Variants in MYZAP observed in about 807,000 individuals in gnomAD.
MYZAP encodes the protein GRINL1A complex locus upstream.
Under a neutral mutation model 69.4 loss-of-function variants are expected in MYZAP, and 66 were observed. That is an observed-to-expected ratio of 0.95 (90% confidence interval 0.78 to 1.17). MYZAP has a LOEUF of 1.17. MYZAP is among the 50% of genes most tolerant of loss of function. The probability of loss-of-function intolerance (pLI) is 0.00; values close to 1 mark genes in which losing one functional copy is unlikely to be tolerated. For missense variants in MYZAP, 611 were observed against 556.2 expected, an observed-to-expected ratio of 1.10 and a Z score of -0.99; for synonymous variants, 256 against 205.9, an observed-to-expected ratio of 1.24 and a Z score of -2.09.
intron 1 of MYZAP, among the ~76,000 whole-genome samples, chr15:57,592,998 C>T (rs1457674223): frequency 6.6e-6 from 1 of 152,176 alleles, no homozygotes; most frequent in Non-Finnish European, 1.5e-5. Flanking sequence ...CCCACTGGTT[C>T]TGTCTGCGTG....
At position 57,668,167 on chromosome 15, in the gene MYZAP, G is replaced by T. The variant is rs186398086; in HGVS notation, c.1203+6634G>T. On this transcript the variant is annotated intron_variant, in intron 11 of 12. Transcript: ENST00000267853. ...TGGTATTCCATTGTATGAATATATC[G>T]CAGTTTATTCATTCAGCTGACAAAA... Among the ~76,000 whole-genome samples the T allele has an allele frequency of 2.8e-3, 426 of 152,220 alleles. 1 individual carries two copies. The highest frequency in any genetic ancestry group is 6.8e-3 in the Middle Eastern group (2 of 294).
At chr15:57,668,894 A>ATATATATATATATT (rs1252525814) in intron 11 of MYZAP, among the ~76,000 whole-genome samples, 298 of 62,492 alleles carry the variant, frequency 4.8e-3, no homozygotes, top group Non-Finnish European at 0.01. Flanking sequence ...ATATATATAT[A>ATATATATATATATT]TTTTTTTTTT....
At chr15:57,616,257 G>A (rs112854975) in intron 2 of MYZAP, among the ~76,000 whole-genome samples, 2,540 of 152,340 alleles carry the variant, frequency 0.017, 68 homozygotes, top group African/African-American at 0.055. Context: ...GCTCATGCTT[G>A]TAATCCCAGC....
At chr15:57,654,854 C>T (rs1472016740) in intron 10 of MYZAP, among the ~76,000 whole-genome samples, 1 of 151,814 alleles carries the variant, frequency 6.6e-6, no homozygotes, top group Admixed American at 6.6e-5. Context: ...GACGTATAAG[C>T]TCTTTTCAAA....
intron 2 of MYZAP, among the ~76,000 whole-genome samples, chr15:57,604,617 C>T (rs2034628889): frequency 6.6e-6 from 1 of 152,216 alleles, no homozygotes; most frequent in Admixed American, 6.5e-5. Context: ...TGCAGGGACA[C>T]TGGTCTTAGT....
At chr15:57,637,798 T>C in intron 9 of MYZAP, 24 bp downstream of exon 9, 1 of 1,592,116 alleles carries the variant, frequency 6.3e-7, no homozygotes, top group Non-Finnish European at 8.6e-7. Context: ...CCTTTCGTCT[T>C]GTAATGGATT....
chr15:57,609,901 C>G (rs2034996643), intron 2 of MYZAP, among the ~76,000 whole-genome samples: 1 of 152,222 alleles, frequency 6.6e-6, no homozygotes, highest in East Asian at 1.9e-4. Flanking sequence ...TATCCATATT[C>G]TTATCCATAG....
At chr15:57,674,657 A>G (rs1324063635) in intron 11 of MYZAP, among the ~76,000 whole-genome samples, 1 of 152,246 alleles carries the variant, frequency 6.6e-6, no homozygotes. Flanking sequence ...TAAAAAGAAA[A>G]CTAATATAGA....
intron 3 of MYZAP, among the ~76,000 whole-genome samples, chr15:57,620,881 T>G (rs574212923): frequency 6.6e-6 from 1 of 152,144 alleles, no homozygotes; most frequent in Non-Finnish European, 1.5e-5. Flanking sequence ...CCAACTGTCA[T>G]TTGAGGGTGA....
At position 57,592,297 on chromosome 15, in the gene MYZAP, C is replaced by T. The variant is rs73422816; in HGVS notation, c.75+188C>T. Among the ~76,000 whole-genome samples, 485 of 152,238 alleles carry T rather than the reference C, an allele frequency of 3.2e-3. 1 individual carries two copies. Among genetic ancestry groups the T allele is most frequent in the African/African-American group, 0.011 (472 of 41,550 alleles). ...CCGCTTGAGGTTTCAGGGGGCCCAC[C>T]AGCTGGTAGGAGAGGGCTTAGGGGA... On this transcript the variant is annotated intron_variant, in intron 1 of 12. Coordinates refer to ENST00000267853, the MANE Select transcript of MYZAP (RefSeq NM_001018100.5).
Position 57,631,077 on chromosome 15 carries a change from C to T in MYZAP, c.678+1223C>T, listed in dbSNP as rs113381025. Among the ~76,000 whole-genome samples, 552 of 152,314 alleles carry T rather than the reference C, an allele frequency of 3.6e-3. 3 individuals are homozygous for T. The highest frequency in any genetic ancestry group is 6.8e-3 in the Middle Eastern group (2 of 294). The stretch of plus-strand genomic sequence containing the variant: ...CTCTGTATGTTCACTTCTAATAGGG[C>T]AGCTCTTCTTTTCCGTGTAAGAGTT... On this transcript the variant is annotated intron_variant, in intron 6 of 12. Coordinates refer to ENST00000267853, the MANE Select transcript of MYZAP (RefSeq NM_001018100.5).
rs1007731533 is a variant in MYZAP at position 57,675,134 on chromosome 15, C to T, written c.1304+66C>T. On this transcript the variant is annotated intron_variant, in intron 12 of 12. Transcript: ENST00000267853. ...CTCTTTGGCTGAAGAAAATACTTTA[C>T]TAGGCTGTTCTTAGCAGAATTGCAT... 26 of 1,367,126 alleles carry T rather than the reference C, an allele frequency of 1.9e-5. No individual in the cohort carries two copies. In the South Asian group the frequency reaches 3.2e-4, roughly 17 times the overall value. The allele number at this position is 1,367,126 out of a possible 1,614,324, so 84.7% of individuals were successfully genotyped here.
intron 1 of MYZAP, among the ~76,000 whole-genome samples, chr15:57,597,638 A>G (rs1037022600): frequency 6.6e-6 from 1 of 152,226 alleles, no homozygotes; most frequent in Non-Finnish European, 1.5e-5. Context: ...TGCCTAGTAC[A>G]GAACACAGCC....
chr15:57,635,902 T>C (rs1183296842), intron 8 of MYZAP, among the ~76,000 whole-genome samples: 1 of 152,216 alleles, frequency 6.6e-6, no homozygotes, highest in Non-Finnish European at 1.5e-5. Flanking sequence ...AACACCTTTT[T>C]TTCTGATCAG....
intron 8 of MYZAP, 53 bp from the exon 9 acceptor site, chr15:57,637,642 C>A: frequency 6.3e-7 from 1 of 1,582,250 alleles, no homozygotes; most frequent in Non-Finnish European, 8.6e-7. Flanking sequence ...AATAGACATT[C>A]TCTGTCAAAC....
rs183551227 is a variant in MYZAP, at chr15:57,641,840, A to C, written c.1119+2295A>C. Among the ~76,000 whole-genome samples, 1,141 of 152,368 alleles carry C rather than the reference A, an allele frequency of 7.5e-3. 10 individuals carry two copies. The highest frequency in any genetic ancestry group is 0.048 in the South Asian group (234 of 4,828). ...AAAGTTAGAAACATGGTCAAGGGGC[A>C]TGGACAGGTGAGCACCTTCAGAAGA... On this transcript the variant is annotated intron_variant, in intron 10 of 12. Coordinates refer to ENST00000267853, the MANE Select transcript of MYZAP (RefSeq NM_001018100.5).
At chr15:57,682,404 A>T (rs942527768) in intron 12 of MYZAP, among the ~76,000 whole-genome samples, 1 of 152,008 alleles carries the variant, frequency 6.6e-6, no homozygotes, top group Non-Finnish European at 1.5e-5. Context: ...TGTCTTAGTC[A>T]CCTAATCCTG....
chr15:57,667,221 G>A (rs541258677), intron 11 of MYZAP, among the ~76,000 whole-genome samples: 3 of 152,202 alleles, frequency 2.0e-5, no homozygotes, highest in African/African-American at 7.2e-5. Flanking sequence ...CCAGGCACTC[G>A]GCTCCCCACA....
intron 11 of MYZAP, among the ~76,000 whole-genome samples, chr15:57,663,334 T>A (rs936740005): frequency 3.9e-5 from 6 of 152,194 alleles, no homozygotes; most frequent in Non-Finnish European, 5.9e-5. Context: ...GCTCAGTGTA[T>A]TAAACTCATG....
Sources: allele counts gnomAD v4.1 joint callset (sites outside exome capture counted in the v4.1 genomes callset), GRCh38; gene constraint gnomAD v4.1.1; transcripts MANE v1.5; gene names NCBI Gene and HGNC (gene_info 2026-07-23, HGNC 2026-07-21).